SLC25A30: variants seen among roughly 807,000 people sequenced by gnomAD.
SLC25A30 encodes kidney mitochondrial carrier protein 1.
In SLC25A30, 29 loss-of-function variants were observed where a neutral mutation model predicts 42.7. That is an observed-to-expected ratio of 0.68 (90% CI 0.51 to 0.93). The LOEUF is 0.93. Among genes scored for constraint, SLC25A30 ranks in the 40% least tolerant of loss-of-function variants. SLC25A30 has a pLI of 0.00. For synonymous variants in SLC25A30, 124 were observed against 131.0 expected, an observed-to-expected ratio of 0.95 and a Z score of 0.37; for missense variants, 300 against 359.7, an observed-to-expected ratio of 0.83 and a Z score of 1.34.
At chr13:45,417,447 C>G (rs1883632681) in intron 1 of SLC25A30, among the ~76,000 whole-genome samples, 1 of 152,160 alleles carries the variant, frequency 6.6e-6, no homozygotes, top group African/African-American at 2.4e-5. Context: ...GACCGACTGC[C>G]CTTTCAATAA....
At chr13:45,424,938 T>TA in the SLC25A30 span, among the ~76,000 whole-genome samples, 3 of 43,852 alleles carry the variant, frequency 6.8e-5, no homozygotes, top group African/African-American at 3.0e-4. Context: ...ATATAAATAT[T>TA]TAAATAAATA....
upstream of SLC25A30, among the ~76,000 whole-genome samples, chr13:45,421,640 A>G (rs567632957): frequency 6.6e-6 from 1 of 152,270 alleles, no homozygotes; most frequent in East Asian, 1.9e-4. Flanking sequence ...TGAGTTAATT[A>G]AAGTCCTCAG....
chr13:45,425,081 A>AATATATATGTATATATAC, the SLC25A30 span, among the ~76,000 whole-genome samples: 4 of 30,434 alleles, frequency 1.3e-4, no homozygotes, highest in African/African-American at 3.3e-4. Context: ...CATATATATA[A>AATATATATGTATATATAC]ATATATAAAT....
chr13:45,432,530 A>T, the SLC25A30 span, among the ~76,000 whole-genome samples: 11 of 152,284 alleles, frequency 7.2e-5, no homozygotes, highest in South Asian at 2.1e-3. Flanking sequence ...AACCAGTATC[A>T]CTAAATAGTT....
At chr13:45,411,254 A>G in intron 2 of SLC25A30, 108 bp downstream of exon 2, 1 of 918,722 alleles carries the variant, frequency 1.1e-6, no homozygotes, top group Non-Finnish European at 1.8e-6. Context: ...GACATTTTGA[A>G]TTCTGAGACA....
the SLC25A30 span, among the ~76,000 whole-genome samples, chr13:45,424,841 A>C: frequency 3.8e-5 from 2 of 52,288 alleles, no homozygotes; most frequent in African/African-American, 1.9e-4. Context: ...TATATATAAA[A>C]ATATATATAA....
Position 45,405,980 on chromosome 13 carries a change from G to A in SLC25A30, c.213-3C>T. ...GGCGTAACATCGCGGGGGCAATCCT[G>A]TTAAACCAATGTACAAAGGGACAAA... is the stretch of plus-strand genomic sequence containing the variant. On this transcript the variant is annotated splice_region_variant and splice_polypyrimidine_tract_variant and intron_variant, in intron 3 of 9. Coordinates refer to ENST00000519676, the MANE Select transcript of SLC25A30 (RefSeq NM_001010875.4). 1.2e-6 allele frequency: 2 copies of A among 1,614,026 alleles called. No homozygotes were observed. Among genetic ancestry groups the A allele is most frequent in the South Asian group, 1.1e-5 (1 of 91,078 alleles).
the SLC25A30 span, among the ~76,000 whole-genome samples, chr13:45,423,875 A>C: frequency 4.1e-5 from 3 of 74,072 alleles, no homozygotes; most frequent in African/African-American, 9.9e-5. Flanking sequence ...TATATAAAAT[A>C]TATAAAAATA....
At chr13:45,402,442 TGACA>T (rs1287023829) in intron 5 of SLC25A30, 72 bp from the exon 6 acceptor site, 10 of 1,193,156 alleles carry the variant, frequency 8.4e-6, no homozygotes, top group Non-Finnish European at 5.0e-6. Flanking sequence ...TGTATACCTC[TGACA>T]GTCAGTCCGT....
intron 9 of SLC25A30, chr13:45,396,323 TGAGAGAGAGA>T (rs138488525): frequency 8.6e-6 from 10 of 1,163,936 alleles, no homozygotes; most frequent in African/African-American, 1.6e-5. Flanking sequence ...TGTAAGCTTT[TGAGAGAGAGA>T]GAGAGAGAGA....
At chr13:45,424,121 A>ATAAATT in the SLC25A30 span, among the ~76,000 whole-genome samples, 1 of 101,024 alleles carries the variant, frequency 9.9e-6, no homozygotes, top group Non-Finnish European at 1.7e-5. Flanking sequence ...ATATAAATAT[A>ATAAATT]TATAAATATA....
chr13:45,416,420 T>C (rs1285479420), intron 1 of SLC25A30, among the ~76,000 whole-genome samples: 2 of 150,610 alleles, frequency 1.3e-5, no homozygotes, highest in East Asian at 3.9e-4. Flanking sequence ...AATAAATAAA[T>C]AAATATATAA....
In SLC25A30 at chr13:45,395,043, C is replaced by T; in HGVS notation, c.*931G>A. 2 of 985,382 alleles carry T rather than the reference C, an allele frequency of 2.0e-6. No homozygotes were observed. The highest frequency in any genetic ancestry group is 2.4e-6 in the Non-Finnish European group (2 of 829,926). The allele number at this position is 985,382 out of a possible 1,614,324, so 61.0% of individuals were successfully genotyped here. A position where few individuals can be genotyped will look rare whatever the true frequency, so the allele number is the denominator to read the frequency against. ...CCATGAGAAGCCCATGAGAACATGC[C>T]CCTCTTCTACATAGACTGTTTAGAG... On this transcript the variant is annotated 3_prime_UTR_variant, in exon 10 of 10. Transcript: ENST00000519676.
chr13:45,411,230 A>T, intron 2 of SLC25A30, 132 bp downstream of exon 2: 1 of 753,968 alleles, frequency 1.3e-6, no homozygotes. Context: ...GTGAGCCACC[A>T]CACCCAGCTA....
intron 8 of SLC25A30, chr13:45,397,618 C>T (rs1281741145): frequency 4.0e-6 from 1 of 248,564 alleles, no homozygotes; most frequent in African/African-American, 2.3e-5. Flanking sequence ...ATGGCATGAA[C>T]CCGGGAGGCG....
chr13:45,393,363 G>A lies in SLC25A30; in HGVS notation c.*2611C>T. 1 of 976,936 alleles carries A rather than the reference G, an allele frequency of 1.0e-6. No individual in the cohort carries two copies. The highest frequency in any genetic ancestry group is 1.2e-6 in the Non-Finnish European group (1 of 822,366). The allele number at this position is 976,936 out of a possible 1,614,324, so 60.5% of individuals were successfully genotyped here. On this transcript the variant is annotated 3_prime_UTR_variant, in exon 10 of 10. Transcript: ENST00000519676. The stretch of plus-strand genomic sequence containing the variant: ...CAGTTTATTAAATAAATGAAACAAG[G>A]CTTATGCCACATATTCCAACAATGT...
intron 1 of SLC25A30, chr13:45,412,004 C>A: frequency 2.4e-4 from 1 of 4,208 alleles, no homozygotes; most frequent in Non-Finnish European, 5.6e-4. Flanking sequence ...TGAGTCCTTA[C>A]TGGGGGTGGG....
intron 7 of SLC25A30, among the ~76,000 whole-genome samples, chr13:45,399,562 A>G (rs1200724752): frequency 1.3e-5 from 2 of 152,200 alleles, no homozygotes; most frequent in African/African-American, 4.8e-5. Flanking sequence ...AAGAAGAGCC[A>G]TATCTAGAGA....
At chr13:45,429,941 G>GA in the SLC25A30 span, among the ~76,000 whole-genome samples, 7 of 150,284 alleles carry the variant, frequency 4.7e-5, no homozygotes, top group Non-Finnish European at 4.4e-5. Context: ...ATATTGCCAA[G>GA]AAAAAAAAAT....
Sources: allele counts gnomAD v4.1 joint callset (sites outside exome capture counted in the v4.1 genomes callset), GRCh38; gene constraint gnomAD v4.1.1; transcripts MANE v1.5; gene names NCBI Gene and HGNC (gene_info 2026-07-23, HGNC 2026-07-21).